The following NOL4 variants were observed in gnomAD, a reference collection of about 807,000 sequenced individuals.
NOL4 encodes the protein cancer/testis antigen 125.
Under a neutral mutation model 75.9 loss-of-function variants are expected in NOL4, and 17 were observed. That is an observed-to-expected ratio of 0.22 (90% CI 0.15 to 0.34). The LOEUF (loss-of-function observed/expected upper bound fraction) is 0.34. NOL4 is among the 10% of genes least tolerant of loss of function. The pLI is 1.00. For missense variants in NOL4, 614 were observed against 793.5 expected (o/e 0.77, Z 2.72); for synonymous variants, 292 against 289.9 (o/e 1.01, Z -0.07).
intron 10 of NOL4, among the ~76,000 whole-genome samples, chr18:33,877,434 C>G (rs374277515): frequency 7.5e-6 from 1 of 133,468 alleles, no homozygotes. Flanking sequence ...GGAGACCTTG[C>G]CTTAAAAAAA....
intron 1 of NOL4, among the ~76,000 whole-genome samples, chr18:34,140,578 C>A (rs1305701338): frequency 1.3e-5 from 2 of 152,102 alleles, no homozygotes; most frequent in Admixed American, 6.6e-5. Context: ...TGTGTCTCTG[C>A]ACATGAGATG....
At chr18:33,982,702 G>A (rs2145997798) in intron 6 of NOL4, among the ~76,000 whole-genome samples, 1 of 151,302 alleles carries the variant, frequency 6.6e-6, no homozygotes, top group East Asian at 2.0e-4. Context: ...CCTTCAGCAG[G>A]TGGATGTGTA....
chr18:34,114,182 G>A (rs934447280), intron 2 of NOL4, among the ~76,000 whole-genome samples: 11 of 152,138 alleles, frequency 7.2e-5, no homozygotes, highest in Admixed American at 7.2e-4. Flanking sequence ...TCTGCTTCTA[G>A]ATGGAAATTG....
chr18:34,113,136 T>TTTTTGTTTTGTTTTG (rs150317037), intron 2 of NOL4, among the ~76,000 whole-genome samples: 173 of 151,948 alleles, frequency 1.1e-3, no homozygotes, highest in Non-Finnish European at 1.7e-3. Context: ...AGCCCAACTT[T>TTTTTGTTTTGTTTTG]TTTTGTTTTG....
intron 5 of NOL4, among the ~76,000 whole-genome samples, chr18:34,034,512 G>A (rs1261685630): frequency 6.6e-6 from 1 of 152,206 alleles, no homozygotes; most frequent in Non-Finnish European, 1.5e-5. Context: ...GCCAAGTCGG[G>A]TGGATCACTT....
chr18:34,223,628 A>C lies in NOL4; in HGVS notation c.-375T>G. 5.2e-6 allele frequency: 1 copy of C among 192,646 alleles called. No homozygotes were observed. The highest frequency in any genetic ancestry group is 2.3e-5 in the African/African-American group (1 of 42,596). 11.9% of individuals were successfully genotyped at this position (192,646 alleles called of 1,614,324 possible). On this transcript the variant is annotated 5_prime_UTR_variant, in exon 1 of 11. Coordinates refer to ENST00000261592, the MANE Select transcript of NOL4 (RefSeq NM_003787.5). ...TCCTTGGTTTATTAAAAATCCCAAT[A>C]TTGAATTGGGGTGGTCCCTAGACGC...
intron 9 of NOL4, among the ~76,000 whole-genome samples, chr18:33,942,142 T>G (rs1288917787): frequency 6.6e-6 from 1 of 151,968 alleles, no homozygotes; most frequent in African/African-American, 2.4e-5. Context: ...TTTGCTTTTT[T>G]CCTCGAAGTC....
At chr18:33,947,045 C>T (rs2068883317) in intron 8 of NOL4, among the ~76,000 whole-genome samples, 4 of 151,624 alleles carry the variant, frequency 2.6e-5, no homozygotes, top group Admixed American at 2.0e-4. Flanking sequence ...ACACACAGGG[C>T]TCAAGTGTGC....
chr18:34,063,912 A>C lies in NOL4; in HGVS notation c.772+29553T>G, dbSNP rs1245781150. On this transcript the variant is annotated intron_variant, in intron 5 of 10. Transcript: ENST00000261592. ...AAAGAACACATCCTAGGAGTTCTAC[A>C]AAAGTGCTTTTATTATGATTACACC... is the stretch of plus-strand genomic sequence containing the variant. 5.3e-5 allele frequency among the ~76,000 whole-genome samples: 8 copies of C among 152,150 alleles called. No homozygotes were observed. In the East Asian group the frequency reaches 1.4e-3, roughly 26 times the overall value.
chr18:34,187,952 T>C (rs1252768455), intron 1 of NOL4, among the ~76,000 whole-genome samples: 3 of 152,088 alleles, frequency 2.0e-5, no homozygotes, highest in East Asian at 3.9e-4. Context: ...TGAATGAGAG[T>C]TGTATTGCTC....
chr18:34,180,540 C>A (rs1173279670), intron 1 of NOL4, among the ~76,000 whole-genome samples: 10 of 151,440 alleles, frequency 6.6e-5, no homozygotes, highest in Non-Finnish European at 1.5e-4. Context: ...ATAATATCCC[C>A]CCAAGATCAG....
chr18:34,003,384 G>A (rs1205816533), intron 6 of NOL4, among the ~76,000 whole-genome samples: 6 of 152,024 alleles, frequency 3.9e-5, no homozygotes, highest in Admixed American at 2.0e-4. Context: ...GTGGCATATC[G>A]TACACCCTGA....
intron 5 of NOL4, among the ~76,000 whole-genome samples, chr18:34,034,994 A>G (rs970172363): frequency 4.6e-5 from 7 of 152,168 alleles, no homozygotes; most frequent in African/African-American, 1.7e-4. Context: ...AAAGATGGCA[A>G]TAGACTCTAA....
At chr18:33,876,378 T>C (rs2063933900) in intron 10 of NOL4, among the ~76,000 whole-genome samples, 1 of 152,166 alleles carries the variant, frequency 6.6e-6, no homozygotes, top group Middle Eastern at 3.4e-3. Flanking sequence ...ATTTTATAAA[T>C]TAAATCATAT....
At chr18:34,141,232 C>T (rs1443378033) in intron 1 of NOL4, among the ~76,000 whole-genome samples, 2 of 152,126 alleles carry the variant, frequency 1.3e-5, no homozygotes, top group African/African-American at 4.8e-5. Flanking sequence ...TAGGAAGAAT[C>T]AATATCATGA....
intron 6 of NOL4, among the ~76,000 whole-genome samples, chr18:33,963,654 C>T (rs2070337544): frequency 6.6e-6 from 1 of 152,188 alleles, no homozygotes; most frequent in Non-Finnish European, 1.5e-5. Flanking sequence ...CAGGTGTTGG[C>T]TTATGGGGAT....
At chr18:33,968,154 G>GA (rs1351938107) in intron 6 of NOL4, among the ~76,000 whole-genome samples, 1 of 151,908 alleles carries the variant, frequency 6.6e-6, no homozygotes, top group Non-Finnish European at 1.5e-5. Context: ...AGACAGTAGA[G>GA]AAAAAAGAAT....
intron 6 of NOL4, among the ~76,000 whole-genome samples, chr18:34,013,215 C>A (rs1348624233): frequency 1.3e-5 from 2 of 151,894 alleles, no homozygotes; most frequent in Admixed American, 6.6e-5. Context: ...GCTAAAGTTT[C>A]TTTTATACTC....
At chr18:33,887,742 C>G (rs1306091424) in intron 9 of NOL4, among the ~76,000 whole-genome samples, 1 of 152,146 alleles carries the variant, frequency 6.6e-6, no homozygotes, top group Admixed American at 6.6e-5. Context: ...CTACAAAGGA[C>G]ATGAACTCAT....
Sources: allele counts gnomAD v4.1 joint callset (sites outside exome capture counted in the v4.1 genomes callset), GRCh38; gene constraint gnomAD v4.1.1; transcripts MANE v1.5; gene names NCBI Gene and HGNC (gene_info 2026-07-23, HGNC 2026-07-21).